The following CCSER1 variants were observed in gnomAD, a reference collection of about 807,000 sequenced individuals.
CCSER1 encodes coiled-coil serine rich protein 1.
Under a neutral mutation model 82.0 loss-of-function variants are expected in CCSER1, and 41 were observed. The observed-to-expected ratio is 0.50, with a 90% confidence interval of 0.39 to 0.65. CCSER1 has a LOEUF of 0.65. CCSER1 is among the 30% of genes least tolerant of loss of function. CCSER1 has a pLI of 0.00. For missense variants in CCSER1, 1,119 were observed against 1,064.2 expected (o/e 1.05, Z -0.72); for synonymous variants, 414 against 383.9 (o/e 1.08, Z -0.92).
chr4:91,041,051 T>C (rs1315781004), intron 9 of CCSER1, among the ~76,000 whole-genome samples: 3 of 152,070 alleles, frequency 2.0e-5, no homozygotes, highest in Admixed American at 6.6e-5. Context: ...ATTAACTAAA[T>C]TGGAAATTCA....
chr4:90,190,319 G>T (rs1313536247), intron 1 of CCSER1, among the ~76,000 whole-genome samples: 1 of 152,060 alleles, frequency 6.6e-6, no homozygotes, highest in Non-Finnish European at 1.5e-5. Flanking sequence ...GACAGGCATT[G>T]TACAGAAAGC....
At chr4:91,320,191 C>CAA (rs1368507157) in intron 10 of CCSER1, among the ~76,000 whole-genome samples, 2 of 151,908 alleles carry the variant, frequency 1.3e-5, no homozygotes, top group Non-Finnish European at 2.9e-5. Flanking sequence ...TAAAGTGCTT[C>CAA]AAATGAAAAG....
At chr4:91,472,277 C>T (rs1757322583) in intron 10 of CCSER1, among the ~76,000 whole-genome samples, 1 of 152,060 alleles carries the variant, frequency 6.6e-6, no homozygotes, top group South Asian at 2.1e-4. Context: ...GACAAGCTTC[C>T]AAGACAGTTG....
chr4:90,198,273 T>TG (rs1431364890), intron 1 of CCSER1, among the ~76,000 whole-genome samples: 1 of 152,044 alleles, frequency 6.6e-6, no homozygotes, highest in African/African-American at 2.4e-5. Flanking sequence ...CTGGTTCCCC[T>TG]GGCAAATACT....
intron 1 of CCSER1, among the ~76,000 whole-genome samples, chr4:90,167,162 A>G (rs1363732506): frequency 6.6e-6 from 1 of 152,116 alleles, no homozygotes; most frequent in East Asian, 1.9e-4. Context: ...CTCAAACTCA[A>G]GAAGTTACAA....
At position 91,507,992 on chromosome 4, in the gene CCSER1, CTA is replaced by C. The variant is rs749844066; in HGVS notation, c.2218-90562_2218-90561del. The stretch of plus-strand genomic sequence containing the variant: ...CTCTTCATCAATTTCTTAGGATTTT[CTA>C]TATATATATATATATATGAAATTAT... On this transcript the variant is annotated intron_variant, in intron 10 of 10. Coordinates refer to ENST00000509176, the MANE Select transcript of CCSER1 (RefSeq NM_001145065.2). Among the ~76,000 whole-genome samples, 46 of 95,684 alleles carry C rather than the reference CTA, an allele frequency of 4.8e-4. 1 individual carries two copies. The highest frequency in any genetic ancestry group is 7.1e-4 in the Admixed American group (7 of 9,802). 62.8% of individuals were successfully genotyped at this position (95,684 alleles called of 152,430 possible). A position where few individuals can be genotyped will look rare whatever the true frequency, so the allele number is the denominator to read the frequency against.
intron 5 of CCSER1, among the ~76,000 whole-genome samples, chr4:90,491,764 A>G (rs983343024): frequency 2.4e-4 from 37 of 152,164 alleles, no homozygotes; most frequent in African/African-American, 8.7e-4. Context: ...TTCTGCATCT[A>G]TTGAGATAAT....
chr4:91,220,904 T>C (rs1283074890), intron 10 of CCSER1, among the ~76,000 whole-genome samples: 6 of 152,104 alleles, frequency 3.9e-5, no homozygotes, highest in Non-Finnish European at 8.8e-5. Context: ...ATACATACAA[T>C]TTAAAAAACA....
chr4:91,100,614 A>G (rs775504196), intron 10 of CCSER1, among the ~76,000 whole-genome samples: 6 of 152,226 alleles, frequency 3.9e-5, no homozygotes, highest in Non-Finnish European at 8.8e-5. Context: ...TTTAACCTCA[A>G]ATATTCTATT....
chr4:90,651,746 C>G (rs1270827156), intron 6 of CCSER1, among the ~76,000 whole-genome samples: 1 of 152,068 alleles, frequency 6.6e-6, no homozygotes, highest in Non-Finnish European at 1.5e-5. Context: ...CGTTCCCCCT[C>G]TAGGACAGAG....
At chr4:90,641,749 A>ACTT (rs1443848879) in intron 6 of CCSER1, among the ~76,000 whole-genome samples, 6 of 152,152 alleles carry the variant, frequency 3.9e-5, no homozygotes, top group Non-Finnish European at 7.3e-5. Context: ...TGGTATGTGT[A>ACTT]CTTATATTAT....
intron 10 of CCSER1, among the ~76,000 whole-genome samples, chr4:91,112,147 C>T (rs1426125196): frequency 6.6e-6 from 1 of 152,030 alleles, no homozygotes; most frequent in East Asian, 1.9e-4. Context: ...TTTCCAAAGC[C>T]ATGTTTGTGG....
intron 10 of CCSER1, among the ~76,000 whole-genome samples, chr4:91,421,078 CA>C (rs1354554385): frequency 7.9e-5 from 12 of 152,068 alleles, no homozygotes; most frequent in Admixed American, 2.0e-4. Context: ...GAAAGTTGGT[CA>C]GGGGTACAAA....
At chr4:91,068,806 C>T (rs867156391) in intron 9 of CCSER1, among the ~76,000 whole-genome samples, 4 of 152,278 alleles carry the variant, frequency 2.6e-5, no homozygotes, top group Middle Eastern at 3.4e-3. Context: ...GTAAAGGCCA[C>T]AACTTTTGTA....
At chr4:91,023,607 C>T (rs34239566) in intron 9 of CCSER1, among the ~76,000 whole-genome samples, 54,339 of 151,938 alleles carry the variant, frequency 0.36, 10,957 homozygotes, top group East Asian at 0.58. Flanking sequence ...TAGTCATATG[C>T]AGAAAGCTGA....
At chr4:90,202,662 CTG>C (rs1371549196) in intron 1 of CCSER1, among the ~76,000 whole-genome samples, 1 of 152,156 alleles carries the variant, frequency 6.6e-6, no homozygotes, top group East Asian at 1.9e-4. Context: ...TTTCAGAAGT[CTG>C]TGTAAGATAT....
At chr4:91,188,738 T>C (rs917191153) in intron 10 of CCSER1, among the ~76,000 whole-genome samples, 1 of 152,170 alleles carries the variant, frequency 6.6e-6, no homozygotes, top group Non-Finnish European at 1.5e-5. Flanking sequence ...ATCTGACTAC[T>C]TGTATGCTTG....
chr4:90,258,450 T>G (rs943823728), intron 1 of CCSER1, among the ~76,000 whole-genome samples: 1 of 152,184 alleles, frequency 6.6e-6, no homozygotes, highest in Non-Finnish European at 1.5e-5. Flanking sequence ...AGGCAGAGGT[T>G]GCAGTGAGCT....
chr4:91,150,178 T>C (rs1290054935), intron 10 of CCSER1, among the ~76,000 whole-genome samples: 5 of 152,216 alleles, frequency 3.3e-5, no homozygotes, highest in African/African-American at 1.2e-4. Context: ...GTAATTCTCC[T>C]TGAAGAAGTC....
Sources: allele counts gnomAD v4.1 joint callset (sites outside exome capture counted in the v4.1 genomes callset), GRCh38; gene constraint gnomAD v4.1.1; transcripts MANE v1.5; gene names NCBI Gene and HGNC (gene_info 2026-07-23, HGNC 2026-07-21).